The following BTBD9 variants were observed in gnomAD, a reference collection of about 807,000 sequenced individuals.
BTBD9 encodes the protein BTB/POZ domain-containing protein 9.
A neutral mutation model predicts 64.3 loss-of-function variants in BTBD9; 49 were observed. That is an observed-to-expected ratio of 0.76 (90% confidence interval 0.61 to 0.97). BTBD9 has a LOEUF of 0.97. Among genes scored for constraint, BTBD9 ranks in the 50% least tolerant of loss-of-function variants. The pLI is 0.00. For missense variants in BTBD9, 598 were observed against 762.1 expected, an observed-to-expected ratio of 0.78 and a Z score of 2.53; for synonymous variants, 260 against 274.7, an observed-to-expected ratio of 0.95 and a Z score of 0.53.
chr6:38,529,374 T>C (rs548614973), intron 6 of BTBD9, among the ~76,000 whole-genome samples: 93 of 152,276 alleles, frequency 6.1e-4, no homozygotes, highest in African/African-American at 2.1e-3. Context: ...AGACCCACAG[T>C]GTTACTAAGC....
chr6:38,293,101 G>T (rs1762023072), intron 7 of BTBD9, among the ~76,000 whole-genome samples: 1 of 152,054 alleles, frequency 6.6e-6, no homozygotes, highest in Admixed American at 6.6e-5. Flanking sequence ...AGGAGCAGTT[G>T]TTCAGTTTCC....
At chr6:38,448,236 A>C (rs899997880) in intron 6 of BTBD9, among the ~76,000 whole-genome samples, 11 of 152,340 alleles carry the variant, frequency 7.2e-5, no homozygotes, top group Middle Eastern at 3.4e-3. Flanking sequence ...AGCACAGATA[A>C]CTTCTCTAAC....
chr6:38,579,779 A>G (rs1776207114), intron 5 of BTBD9, among the ~76,000 whole-genome samples: 1 of 152,216 alleles, frequency 6.6e-6, no homozygotes, highest in African/African-American at 2.4e-5. Context: ...TTTAAAGGGT[A>G]GAGTGTTCAC....
At chr6:38,624,093 G>A (rs1279321723) in intron 1 of BTBD9, among the ~76,000 whole-genome samples, 1 of 152,162 alleles carries the variant, frequency 6.6e-6, no homozygotes, top group African/African-American at 2.4e-5. Context: ...GAAGTTTCCT[G>A]TCTTACAAGA....
intron 6 of BTBD9, among the ~76,000 whole-genome samples, chr6:38,379,302 G>A (rs1765828455): frequency 6.6e-6 from 1 of 152,176 alleles, no homozygotes; most frequent in African/African-American, 2.4e-5. Flanking sequence ...TGAAATACAG[G>A]TAAGAATGGG....
At chr6:38,638,820 T>C (rs1359139838) in intron 1 of BTBD9, among the ~76,000 whole-genome samples, 2 of 152,190 alleles carry the variant, frequency 1.3e-5, no homozygotes. Flanking sequence ...ACTGGCTTCT[T>C]CCCTGTCTCC....
intron 5 of BTBD9, among the ~76,000 whole-genome samples, chr6:38,578,737 T>C (rs1046540116): frequency 6.6e-6 from 1 of 152,190 alleles, no homozygotes; most frequent in Non-Finnish European, 1.5e-5. Context: ...ATTCTGAATT[T>C]TTCACCTTTG....
intron 6 of BTBD9, among the ~76,000 whole-genome samples, chr6:38,374,297 G>GTGTGTATATATATATA (rs1582317340): frequency 1.9e-5 from 1 of 53,724 alleles, no homozygotes; most frequent in Admixed American, 2.5e-4. Context: ...ATATATATAT[G>GTGTGTATATATATATA]TATATATATG....
intron 9 of BTBD9, among the ~76,000 whole-genome samples, chr6:38,231,881 T>G (rs977759583): frequency 6.6e-6 from 1 of 152,184 alleles, no homozygotes; most frequent in Admixed American, 6.5e-5. Context: ...TAAAATGCAT[T>G]TCAGATGTAA....
At chr6:38,272,913 G>T (rs1765243545) in intron 8 of BTBD9, among the ~76,000 whole-genome samples, 1 of 152,144 alleles carries the variant, frequency 6.6e-6, no homozygotes, top group African/African-American at 2.4e-5. Flanking sequence ...CAATTAAATG[G>T]TATATAACTG....
rs1251734178 is a variant in BTBD9 at position 38,351,513 on chromosome 6, T to TTTG, written c.1155-6421_1155-6420insCAA. Among the ~76,000 whole-genome samples the TTTG allele has an allele frequency of 6.3e-5, 9 of 142,652 alleles. 1 individual carries two copies. Among genetic ancestry groups the TTTG allele is most frequent in the Admixed American group, 6.3e-4 (9 of 14,346 alleles). The allele number at this position is 142,652 out of a possible 152,430, so 93.6% of individuals were successfully genotyped here. ...CAAATATTTAATTGTTGTTGTTTTT[T>TTTG]TTTTTTTTTTTTTTGAGATGGAGTC... On this transcript the variant is annotated intron_variant, in intron 6 of 10. Coordinates refer to ENST00000481247, the MANE Select transcript of BTBD9 (RefSeq NM_001099272.2).
intron 6 of BTBD9, among the ~76,000 whole-genome samples, chr6:38,477,792 C>T (rs1001660841): frequency 1.3e-5 from 2 of 152,126 alleles, no homozygotes; most frequent in South Asian, 2.1e-4. Flanking sequence ...TTCTTATCCT[C>T]GAGTCATTTA....
At chr6:38,420,323 G>A (rs919738311) in intron 6 of BTBD9, among the ~76,000 whole-genome samples, 2 of 152,104 alleles carry the variant, frequency 1.3e-5, no homozygotes, top group South Asian at 4.2e-4. Flanking sequence ...GCACTGAAAC[G>A]CTTATACTGG....
intron 7 of BTBD9, among the ~76,000 whole-genome samples, chr6:38,301,029 G>A (rs1219177343): frequency 2.0e-5 from 3 of 152,114 alleles, no homozygotes; most frequent in African/African-American, 4.8e-5. Context: ...TTTGAGATAC[G>A]TCCCATCGAT....
intron 6 of BTBD9, among the ~76,000 whole-genome samples, chr6:38,353,137 C>T (rs6922128): frequency 0.55 from 82,914 of 151,982 alleles, 23,032 homozygotes; most frequent in East Asian, 0.84. Context: ...TCTAAGAACA[C>T]GGCTATAATG....
chr6:38,216,605 T>C (rs1763016431), intron 9 of BTBD9, among the ~76,000 whole-genome samples: 1 of 152,200 alleles, frequency 6.6e-6, no homozygotes, highest in African/African-American at 2.4e-5. Flanking sequence ...CCACAGTGGT[T>C]GGCAGCTGGT....
At position 38,211,168 on chromosome 6, in the gene BTBD9, G is replaced by A. The variant is rs372383954; in HGVS notation, c.1563-18571C>T. Among the ~76,000 whole-genome samples the A allele has an allele frequency of 1.9e-3, 291 of 152,254 alleles. 3 individuals carry two copies. The highest frequency in any genetic ancestry group is 6.7e-3 in the African/African-American group (277 of 41,550). On this transcript the variant is annotated intron_variant, in intron 9 of 10. Transcript: ENST00000481247. ...CATAAGGCCAGGCACGGTGGCTCAC[G>A]CCTGTAATCCCAGCACTTTGGGAGG...
At chr6:38,338,151 C>T (rs745503853) in intron 7 of BTBD9, among the ~76,000 whole-genome samples, 1 of 152,174 alleles carries the variant, frequency 6.6e-6, no homozygotes, top group Non-Finnish European at 1.5e-5. Flanking sequence ...CAGTGGATGT[C>T]TGAAACTTCA....
chr6:38,385,750 T>C (rs995978002), intron 6 of BTBD9, among the ~76,000 whole-genome samples: 3 of 151,950 alleles, frequency 2.0e-5, no homozygotes, highest in African/African-American at 7.3e-5. Flanking sequence ...CCTACAAAAA[T>C]TTTTTAAAAA....
Sources: allele counts gnomAD v4.1 joint callset (sites outside exome capture counted in the v4.1 genomes callset), GRCh38; gene constraint gnomAD v4.1.1; transcripts MANE v1.5; gene names NCBI Gene and HGNC (gene_info 2026-07-23, HGNC 2026-07-21).